The following UTRN variants were observed in gnomAD, a reference collection of about 807,000 sequenced individuals.
UTRN encodes dystrophin-related protein 1.
A neutral mutation model predicts 463.9 loss-of-function variants in UTRN; 283 were observed. The ratio of observed to expected loss-of-function variants is 0.61; its 90% CI spans 0.55 to 0.67. The LOEUF (loss-of-function observed/expected upper bound fraction) is 0.67. Ranked by LOEUF, UTRN falls within the 30% of genes least tolerant of loss-of-function variation. The pLI, the probability that UTRN is intolerant of heterozygous loss-of-function variation, is 0.00. For synonymous variants in UTRN, 1,442 were observed against 1,431.5 expected (o/e 1.01, Z -0.17); for missense variants, 3,922 against 4,084.3 (o/e 0.96, Z 1.08).
At chr6:144,337,733 C>T (rs573901456) in intron 2 of UTRN, among the ~76,000 whole-genome samples, 1 of 152,216 alleles carries the variant, frequency 6.6e-6, no homozygotes, top group East Asian at 1.9e-4. Context: ...CCATGCCTCA[C>T]CCTCCTGAAT....
intron 54 of UTRN, among the ~76,000 whole-genome samples, chr6:144,743,679 A>G (rs2128720359): frequency 6.6e-6 from 1 of 152,324 alleles, no homozygotes; most frequent in Admixed American, 6.5e-5. Flanking sequence ...TTTCACCTGC[A>G]TTCTAGGGAA....
intron 2 of UTRN, among the ~76,000 whole-genome samples, chr6:144,297,358 A>G (rs1225937668): frequency 6.6e-6 from 1 of 152,228 alleles, no homozygotes; most frequent in Non-Finnish European, 1.5e-5. Context: ...TGGAAAGTAA[A>G]CTTGCTTAAC....
At chr6:144,406,356 C>CTTTTTTTTTT (rs57721924) in intron 3 of UTRN, among the ~76,000 whole-genome samples, 1 of 125,582 alleles carries the variant, frequency 8.0e-6, no homozygotes, top group Non-Finnish European at 1.6e-5. Flanking sequence ...TTTTTCTTTT[C>CTTTTTTTTTT]TTTTTTTTTT....
At chr6:144,423,896 G>A (rs1030724130) in intron 5 of UTRN, 90 bp from the exon 6 acceptor site, 2 of 1,329,864 alleles carry the variant, frequency 1.5e-6, no homozygotes, top group East Asian at 2.3e-5. Flanking sequence ...TTATACTGCT[G>A]TCCAAATGTG....
Position 144,846,768 on chromosome 6 carries a change from A to C in UTRN, c.10271-37A>C, listed in dbSNP as rs768654360. 5 of 1,613,846 alleles carry C rather than the reference A, an allele frequency of 3.1e-6. 1 individual carries two copies. In the African/African-American group the frequency reaches 6.7e-5, roughly 22 times the overall value. On this transcript the variant is annotated intron_variant, in intron 73 of 74. Coordinates refer to ENST00000367545, the MANE Select transcript of UTRN (RefSeq NM_007124.3). Reference sequence around the variant, plus strand: ...GAGTTGGAACCAACAAAGTAACAGGACTGCCATTAAGTGATTTCTTTTGTT... The same window carrying C: ...GAGTTGGAACCAACAAAGTAACAGGCCTGCCATTAAGTGATTTCTTTTGTT...
intron 58 of UTRN, among the ~76,000 whole-genome samples, chr6:144,764,758 AG>A (rs1215407875): frequency 1.3e-5 from 2 of 152,250 alleles, no homozygotes; most frequent in Admixed American, 1.3e-4. Context: ...ATAACCATAT[AG>A]AAAAAAATAG....
chr6:144,374,074 A>G (rs889210545), intron 2 of UTRN, among the ~76,000 whole-genome samples: 3 of 152,152 alleles, frequency 2.0e-5, no homozygotes, highest in African/African-American at 4.8e-5. Flanking sequence ...ACTTTCTTTT[A>G]TTTGATTTAT....
At chr6:144,792,675 G>T (rs1776865778) in intron 62 of UTRN, among the ~76,000 whole-genome samples, 1 of 152,138 alleles carries the variant, frequency 6.6e-6, no homozygotes, top group Admixed American at 6.6e-5. Flanking sequence ...CACATGAAGA[G>T]CATTTAGATT....
intron 2 of UTRN, among the ~76,000 whole-genome samples, chr6:144,302,829 A>G (rs2473151): frequency 0.19 from 29,269 of 152,108 alleles, 4,319 homozygotes; most frequent in African/African-American, 0.41. Flanking sequence ...GTAAGAGGCA[A>G]CGCTGTGGAC....
At chr6:144,433,140 C>G (rs1300123511) in intron 9 of UTRN, among the ~76,000 whole-genome samples, 2 of 150,844 alleles carry the variant, frequency 1.3e-5, no homozygotes, top group Non-Finnish European at 3.0e-5. Flanking sequence ...CCACCTTTCC[C>G]CCCTTTCTAT....
intron 53 of UTRN, among the ~76,000 whole-genome samples, chr6:144,723,330 A>G (rs1445231770): frequency 6.6e-6 from 1 of 152,232 alleles, no homozygotes; most frequent in African/African-American, 2.4e-5. Context: ...TAAGATGAAC[A>G]GATTGGGTGA....
intron 51 of UTRN, among the ~76,000 whole-genome samples, chr6:144,624,352 A>G (rs1438085255): frequency 6.6e-6 from 1 of 152,184 alleles, no homozygotes; most frequent in African/African-American, 2.4e-5. Flanking sequence ...TGTAATACAG[A>G]AAAGTAATAG....
At chr6:144,506,639 T>C (rs1354417613) in intron 34 of UTRN, among the ~76,000 whole-genome samples, 1 of 152,244 alleles carries the variant, frequency 6.6e-6, no homozygotes, top group African/African-American at 2.4e-5. Flanking sequence ...TGCATTAGTC[T>C]GATGGGCTTC....
chr6:144,378,354 A>G lies in UTRN; in HGVS notation c.80-24769A>G, dbSNP rs144124758. On this transcript the variant is annotated intron_variant, in intron 2 of 74. Coordinates refer to ENST00000367545, the MANE Select transcript of UTRN (RefSeq NM_007124.3). Reference sequence around the variant, plus strand: ...ACCTGTATTGGGAACTGCATATACTATAGAGATCAAAGTTGACATTTCTTG... The same window carrying G: ...ACCTGTATTGGGAACTGCATATACTGTAGAGATCAAAGTTGACATTTCTTG... Among the ~76,000 whole-genome samples, 112 of 152,338 alleles carry G rather than the reference A, an allele frequency of 7.4e-4. 1 individual carries two copies. The highest frequency in any genetic ancestry group is 6.8e-3 in the Middle Eastern group (2 of 294).
chr6:144,606,557 G>A (rs1191862179), intron 51 of UTRN, among the ~76,000 whole-genome samples: 1 of 152,164 alleles, frequency 6.6e-6, no homozygotes, highest in South Asian at 2.1e-4. Flanking sequence ...TATTAAAAAT[G>A]TTTCTCAGAC....
chr6:144,767,940 T>C (rs1372271384), intron 58 of UTRN, among the ~76,000 whole-genome samples: 3 of 152,282 alleles, frequency 2.0e-5, no homozygotes, highest in African/African-American at 7.2e-5. Context: ...AACAAATAAG[T>C]ATATTTGGGT....
chr6:144,513,917 G>C lies in UTRN; in HGVS notation c.4953G>C (p.Gln1651His), dbSNP rs1381920971. ...EDWCNTLMNH[Q>H]NQLEIFDGNV... Reference sequence around the variant, plus strand: ...TATTAATTCCTTTGTAGAACCATCAGAACCAGCTAGAAATATTTGATGGGA... The same window carrying C: ...TATTAATTCCTTTGTAGAACCATCACAACCAGCTAGAAATATTTGATGGGA... The change falls in exon 36 of 75, where the codon CAG becomes CAC. Residue 1651 changes from glutamine to histidine, a missense_variant. Gln to His is a conservative substitution (Grantham distance 24, BLOSUM62 0). Transcript: ENST00000367545. 6.2e-7 allele frequency: 1 copy of C among 1,613,694 alleles called. No individual in the cohort carries two copies. The highest frequency in any genetic ancestry group is 8.5e-7 in the Non-Finnish European group (1 of 1,179,800).
At chr6:144,642,361 T>C (rs1373442029) in intron 51 of UTRN, among the ~76,000 whole-genome samples, 1 of 152,240 alleles carries the variant, frequency 6.6e-6, no homozygotes, top group East Asian at 1.9e-4. Flanking sequence ...GATAATCTGA[T>C]TTCATTGTCA....
intron 26 of UTRN, among the ~76,000 whole-genome samples, chr6:144,480,415 T>A (rs1392805673): frequency 6.6e-6 from 1 of 152,226 alleles, no homozygotes; most frequent in Non-Finnish European, 1.5e-5. Context: ...AAAGAGTTAT[T>A]TTTTGTAAGG....
Sources: gnomAD v4.1 joint callset for allele counts (sites outside exome capture counted in the v4.1 genomes callset) on GRCh38, gnomAD v4.1.1 for gene constraint, MANE v1.5 for transcripts, NCBI Gene and HGNC (gene_info 2026-07-23, HGNC 2026-07-21) for gene names.